The following MLLT3 variants were observed in gnomAD, a reference collection of about 807,000 sequenced individuals.
MLLT3 encodes the protein MLLT3 super elongation complex subunit.
Under a neutral mutation model 53.2 loss-of-function variants are expected in MLLT3, and 4 were observed. The observed-to-expected ratio is 0.08, with a 90% CI of 0.04 to 0.17. The LOEUF (loss-of-function observed/expected upper bound fraction) is 0.17, where lower values mean the gene tolerates loss of function less well. Ranked by LOEUF, MLLT3 falls within the 10% of genes least tolerant of loss-of-function variation. MLLT3 has a pLI of 1.00. For missense variants in MLLT3, 569 were observed against 684.0 expected, an observed-to-expected ratio of 0.83 and a Z score of 1.87; for synonymous variants, 283 against 230.6, an observed-to-expected ratio of 1.23 and a Z score of -2.06.
chr9:20,511,000 G>A (rs1825521794), intron 2 of MLLT3, among the ~76,000 whole-genome samples: 1 of 152,114 alleles, frequency 6.6e-6, no homozygotes, highest in Non-Finnish European at 1.5e-5. Flanking sequence ...TAAAAATAAT[G>A]AATTATATAT....
At chr9:20,452,359 C>T (rs1823861291) in intron 3 of MLLT3, among the ~76,000 whole-genome samples, 1 of 152,118 alleles carries the variant, frequency 6.6e-6, no homozygotes, top group South Asian at 2.1e-4. Flanking sequence ...GGGGCTTTTC[C>T]CCACTTTGCC....
intron 2 of MLLT3, among the ~76,000 whole-genome samples, chr9:20,492,705 C>G (rs1428196195): frequency 6.6e-6 from 1 of 151,870 alleles, no homozygotes; most frequent in Admixed American, 6.6e-5. Flanking sequence ...ACTAAAATCT[C>G]TAAACTAAAT....
At chr9:20,484,936 C>T (rs1341909643) in intron 2 of MLLT3, among the ~76,000 whole-genome samples, 15 of 152,050 alleles carry the variant, frequency 9.9e-5, no homozygotes. Context: ...AAATATGAAT[C>T]AAATTTACAT....
rs1821372508 is a variant in MLLT3 at position 20,363,397 on chromosome 9, T to G, written c.1331+79A>C. ...CTGCCGTTTTTGGTGTTTCACACCT[T>G]TGCTGTGATTATCCCAGCAGGGCTT... On this transcript the variant is annotated intron_variant, in intron 7 of 10. Coordinates refer to ENST00000380338, the MANE Select transcript of MLLT3 (RefSeq NM_004529.4). 20 of 1,541,524 alleles carry G rather than the reference T, an allele frequency of 1.3e-5. No individual in the cohort carries two copies. In the South Asian group the frequency reaches 2.5e-4, roughly 19 times the overall value.
chr9:20,351,124 T>C (rs952417438), intron 10 of MLLT3, among the ~76,000 whole-genome samples: 1 of 152,204 alleles, frequency 6.6e-6, no homozygotes, highest in African/African-American at 2.4e-5. Flanking sequence ...ATATGACAAG[T>C]AATTTCCCAG....
chr9:20,508,215 A>C (rs776677373), intron 2 of MLLT3, among the ~76,000 whole-genome samples: 1 of 152,212 alleles, frequency 6.6e-6, no homozygotes, highest in African/African-American at 2.4e-5. Context: ...AACCTACAGA[A>C]CACTTGAAAC....
At position 20,522,007 on chromosome 9, in the gene MLLT3, G is replaced by GT. The variant is rs11345001; in HGVS notation, c.194-65222dup. ...TTATAATTAAGTTTTGACTGTCACA[G>GT]TTTTTTTTTTTTTTAACACTCTGAA... is the stretch of plus-strand genomic sequence containing the variant. On this transcript the variant is annotated intron_variant, in intron 2 of 10. Transcript: ENST00000380338. Among the ~76,000 whole-genome samples the GT allele has an allele frequency of 8.1e-3, 1,177 of 144,852 alleles. 16 individuals carry two copies. The highest frequency in any genetic ancestry group is 0.025 in the African/African-American group (1,009 of 39,782).
intron 2 of MLLT3, among the ~76,000 whole-genome samples, chr9:20,592,734 G>A (rs1194668772): frequency 6.6e-6 from 1 of 152,120 alleles, no homozygotes; most frequent in Non-Finnish European, 1.5e-5. Context: ...ATACTCACAA[G>A]CAAAGAGAAA....
chr9:20,385,319 A>G (rs867180776), intron 5 of MLLT3, among the ~76,000 whole-genome samples: 29 of 152,114 alleles, frequency 1.9e-4, no homozygotes, highest in African/African-American at 6.3e-4. Context: ...AGATAATGTA[A>G]GCAATATCCC....
chr9:20,453,589 G>A (rs564259109), intron 3 of MLLT3, among the ~76,000 whole-genome samples: 6 of 152,046 alleles, frequency 3.9e-5, no homozygotes, highest in Non-Finnish European at 8.8e-5. Flanking sequence ...CTTTATATAT[G>A]TAAGCTTCTT....
rs1423624248 is a variant in MLLT3 at position 20,566,206 on chromosome 9, A to G, written c.193+54448T>C. 2.7e-5 allele frequency among the ~76,000 whole-genome samples: 4 copies of G among 150,850 alleles called. No homozygotes were observed. In the Admixed American group the frequency reaches 2.7e-4, roughly 10 times the overall value. On this transcript the variant is annotated intron_variant, in intron 2 of 10. Transcript: ENST00000380338. ...GTAATCCCAGCACTTTGGGAGGCTG[A>G]GGCAGGTGGATCACTTGAGGTCAGG...
At chr9:20,469,219 T>G (rs563107445) in intron 2 of MLLT3, among the ~76,000 whole-genome samples, 105 of 152,268 alleles carry the variant, frequency 6.9e-4, no homozygotes, top group African/African-American at 2.3e-3. Flanking sequence ...ATAATTTAGT[T>G]AGAGTGGCAT....
rs779730245 is a variant in MLLT3, at chr9:20,413,876, T to C, written c.970A>G (p.Lys324Glu). Reference sequence around the variant, plus strand: ...TGAGATTTATCTTTTATCTGTTTTTTGTCAGCAGAACAAGTGAGTATCAGT... The same window carrying C: ...TGAGATTTATCTTTTATCTGTTTTTCGTCAGCAGAACAAGTGAGTATCAGT... ...PPLILTCSADKKQIKDKSHVK... is the reference protein window; with the variant it reads ...PPLILTCSADEKQIKDKSHVK... The change falls in exon 5 of 11, where the codon AAA becomes GAA. Residue 324 changes from lysine to glutamate, a missense_variant. Lys to Glu is a moderately conservative substitution (Grantham distance 56, BLOSUM62 1). This residue lies in a region of MLLT3 where 437 missense variants were observed against 376.5 expected (regional missense o/e 1.16). Coordinates refer to ENST00000380338, the MANE Select transcript of MLLT3 (RefSeq NM_004529.4). 5 of 1,614,036 alleles carry C rather than the reference T, an allele frequency of 3.1e-6. No individual in the cohort carries two copies. The highest frequency in any genetic ancestry group is 8.5e-7 in the Non-Finnish European group (1 of 1,180,030).
chr9:20,518,455 T>C (rs1479677362), intron 2 of MLLT3, among the ~76,000 whole-genome samples: 1 of 152,132 alleles, frequency 6.6e-6, no homozygotes, highest in Non-Finnish European at 1.5e-5. Flanking sequence ...ATGAGAACAT[T>C]ACAGTGGTAA....
At chr9:20,592,770 C>G (rs1356608774) in intron 2 of MLLT3, among the ~76,000 whole-genome samples, 1 of 152,158 alleles carries the variant, frequency 6.6e-6, no homozygotes, top group Non-Finnish European at 1.5e-5. Flanking sequence ...AACCAGATCC[C>G]TCCTAGAATG....
intron 2 of MLLT3, among the ~76,000 whole-genome samples, chr9:20,478,738 C>G (rs184990949): frequency 5.3e-5 from 8 of 152,116 alleles, no homozygotes; most frequent in Admixed American, 3.9e-4. Context: ...ATTTTAACCT[C>G]GGAGCTTTCC....
chr9:20,416,627 T>C (rs1822878794), intron 4 of MLLT3, among the ~76,000 whole-genome samples: 3 of 152,158 alleles, frequency 2.0e-5, no homozygotes, highest in African/African-American at 7.2e-5. Context: ...TGTCTTTTTA[T>C]AATGTTTTAC....
Position 20,365,679 on chromosome 9 carries a change from G to C in MLLT3, c.1191C>G (p.Thr397=), listed in dbSNP as rs377478576. ...ATGAGATGTTGATACCTTGTTGCCT[G>C]GTCTGGGATGGTGTGAAGCTGGAGC... ...SSSSSFTPSQ[T]RQQGPLRSIM... is the part of the protein sequence containing the mutation. Residue 397 remains threonine, a synonymous_variant, in exon 6 of 11, where the codon ACC becomes ACG. Transcript: ENST00000380338. 6.2e-7 allele frequency: 1 copy of C among 1,614,084 alleles called. No individual in the cohort carries two copies. Among genetic ancestry groups the C allele is most frequent in the Non-Finnish European group, 8.5e-7 (1 of 1,180,032 alleles).
At chr9:20,599,993 A>C (rs1271735241) in intron 2 of MLLT3, among the ~76,000 whole-genome samples, 1 of 152,186 alleles carries the variant, frequency 6.6e-6, no homozygotes, top group Non-Finnish European at 1.5e-5. Flanking sequence ...AATTGCAAGA[A>C]CACTGCACTT....
Sources: gnomAD v4.1 joint callset for allele counts (sites outside exome capture counted in the v4.1 genomes callset) on GRCh38, gnomAD v4.1.1 for gene constraint, gnomAD v4.1.1 regional missense constraint, MANE v1.5 for transcripts, NCBI Gene and HGNC (gene_info 2026-07-23, HGNC 2026-07-21) for gene names.